SLC12A7: variants seen among roughly 807,000 people sequenced by gnomAD.
The protein encoded by SLC12A7 is solute carrier family 12 member 7.
Under a neutral mutation model 120.6 loss-of-function variants are expected in SLC12A7, and 100 were observed. The observed-to-expected ratio is 0.83, with a 90% confidence interval of 0.71 to 0.98. The LOEUF is 0.98. Ranked by LOEUF, SLC12A7 falls within the 50% of genes least tolerant of loss-of-function variation. The pLI is 0.00. For synonymous variants in SLC12A7, 760 were observed against 678.0 expected, an observed-to-expected ratio of 1.12 and a Z score of -1.88; for missense variants, 1,373 against 1,548.1, an observed-to-expected ratio of 0.89 and a Z score of 1.90.
chr5:1,136,864 C>G, the SLC12A7 span, among the ~76,000 whole-genome samples: 95 of 147,910 alleles, frequency 6.4e-4, 4 homozygotes, highest in Non-Finnish European at 1.1e-3. Context: ...GCAGGACACG[C>G]AGGCACACAT....
chr5:1,054,442 C>T (rs1347486803), intron 22 of SLC12A7, among the ~76,000 whole-genome samples: 1 of 152,218 alleles, frequency 6.6e-6, no homozygotes, highest in Non-Finnish European at 1.5e-5. Flanking sequence ...ACCCCACGGT[C>T]CCCTCCTAGG....
chr5:1,090,481 G>A (rs374459104), intron 3 of SLC12A7, among the ~76,000 whole-genome samples: 21 of 152,304 alleles, frequency 1.4e-4, no homozygotes, highest in African/African-American at 4.8e-4. Context: ...CCAAATCTGG[G>A]TATGCTTTGT....
At chr5:1,153,255 C>T in the SLC12A7 span, among the ~76,000 whole-genome samples, 1 of 152,186 alleles carries the variant, frequency 6.6e-6, no homozygotes, top group Non-Finnish European at 1.5e-5. Context: ...AAGCACCCAC[C>T]CCAAAGAGGA....
chr5:1,100,217 G>T (rs549987876), intron 1 of SLC12A7, among the ~76,000 whole-genome samples: 1 of 152,132 alleles, frequency 6.6e-6, no homozygotes, highest in African/African-American at 2.4e-5. Context: ...ACCCTCGGGC[G>T]GCACCGGGAC....
rs780420563 is a variant in SLC12A7, at chr5:1,081,680, C to T, written c.1194G>A (p.Val398=). 16 of 1,612,998 alleles carry T rather than the reference C, an allele frequency of 9.9e-6. No homozygotes were observed. Among genetic ancestry groups the T allele is most frequent in the Non-Finnish European group, 1.3e-5 (15 of 1,179,982 alleles). Reference sequence around the variant, plus strand: ...TGGCACGGCTCTCCTCTGCCACGGGCACCGAGGGCACACCTTTCTTCTCCA... The same window carrying T: ...TGGCACGGCTCTCCTCTGCCACGGGTACCGAGGGCACACCTTTCTTCTCCA... The part of the protein sequence containing the change: ...AFVEKKGVPS[V]PVAEESRASA... Residue 398 remains valine (V), a synonymous_variant, in exon 9 of 24, where the codon GTG becomes GTA. Coordinates refer to ENST00000264930, the MANE Select transcript of SLC12A7 (RefSeq NM_006598.3).
intron 17 of SLC12A7, among the ~76,000 whole-genome samples, chr5:1,069,231 C>T (rs1312889048): frequency 7.9e-5 from 12 of 152,264 alleles, no homozygotes; most frequent in African/African-American, 1.9e-4. Flanking sequence ...GCGGGAGCGG[C>T]GGGGGCCATT....
intron 1 of SLC12A7, among the ~76,000 whole-genome samples, chr5:1,096,023 G>A (rs940883082): frequency 2.0e-5 from 3 of 152,200 alleles, no homozygotes; most frequent in Admixed American, 6.5e-5. Flanking sequence ...TGACAGAGAC[G>A]GTCAAATGCA....
At position 1,053,412 on chromosome 5, in the gene SLC12A7, C is replaced by A. The variant is rs761917706; in HGVS notation, c.3097G>T (p.Asp1033Tyr). The change falls in exon 23 of 24, where the codon GAT becomes TAT. Residue 1033 changes from aspartate to tyrosine, a missense_variant. Physicochemically the swap from Asp to Tyr is radical, Grantham distance 160. Transcript: ENST00000264930. The part of the protein sequence containing the change: ...LNGVVLNKSQ[D>Y]AQLVLLNMPG... ...ATGTTGAGCAGGACCAGCTGCGCAT[C>A]CTGGGACTTGTTGAGGACGACGCCA... 5.0e-6 allele frequency: 8 copies of A among 1,614,012 alleles called. No individual in the cohort carries two copies. Among genetic ancestry groups the A allele is most frequent in the Non-Finnish European group, 5.9e-6 (7 of 1,180,022 alleles).
rs763842013 is a variant in SLC12A7 at position 1,079,471 on chromosome 5, G to T, written c.1323C>A (p.Ser441=). Residue 441 remains serine (S), a synonymous_variant, in exon 10 of 24, where the codon TCC becomes TCA. Coordinates refer to ENST00000264930, the MANE Select transcript of SLC12A7 (RefSeq NM_006598.3). ...ACTTCTGTGCATCCTTGAGGTCCCC[G>T]GACCGGTTTGAACCCGCCATGATAC... ...VTGIMAGSNR[S]GDLKDAQKSI... 6.2e-7 allele frequency: 1 copy of T among 1,612,674 alleles called. No homozygotes were observed. Among genetic ancestry groups the T allele is most frequent in the Non-Finnish European group, 8.5e-7 (1 of 1,179,846 alleles).
rs143985968 is a variant in SLC12A7, at chr5:1,097,298, C to T, written c.125-3050G>A. On this transcript the variant is annotated intron_variant, in intron 1 of 23. Coordinates refer to ENST00000264930, the MANE Select transcript of SLC12A7 (RefSeq NM_006598.3). ...GGACCAACATCCTTCCCGTCGCCTC[C>T]AACACTCCCAGCAGAAGCAACCCCT... Among the ~76,000 whole-genome samples the T allele has an allele frequency of 3.9e-5, 6 of 152,286 alleles. 1 individual carries two copies. Among genetic ancestry groups the T allele is most frequent in the African/African-American group, 1.4e-4 (6 of 41,550 alleles).
intron 1 of SLC12A7, among the ~76,000 whole-genome samples, chr5:1,101,630 TC>T (rs1742029698): frequency 6.6e-6 from 1 of 152,168 alleles, no homozygotes; most frequent in South Asian, 2.1e-4. Flanking sequence ...TTTTTCTACC[TC>T]TTCATTTTAT....
chr5:1,076,655 A>C (rs1461322937), intron 13 of SLC12A7, 39 bp downstream of exon 13: 6 of 1,511,122 alleles, frequency 4.0e-6, no homozygotes, highest in Non-Finnish European at 5.5e-6. Context: ...CTCCAGGCCC[A>C]TACACCCATC....
At chr5:1,077,023 G>A (rs576077903) in intron 12 of SLC12A7, among the ~76,000 whole-genome samples, 72 of 151,770 alleles carry the variant, frequency 4.7e-4, no homozygotes, top group Non-Finnish European at 7.5e-4. Flanking sequence ...CTGTGCCTAC[G>A]CCCGGCTTGC....
chr5:1,122,967 G>A, the SLC12A7 span, among the ~76,000 whole-genome samples: 5 of 152,234 alleles, frequency 3.3e-5, no homozygotes, highest in African/African-American at 9.6e-5. Flanking sequence ...TGGGGGCGTC[G>A]CCCTGGCTGC....
chr5:1,134,158 G>A, the SLC12A7 span, among the ~76,000 whole-genome samples: 5 of 152,340 alleles, frequency 3.3e-5, no homozygotes, highest in South Asian at 2.1e-4. Context: ...TTCTGGGACA[G>A]CTACGTGTTT....
intron 1 of SLC12A7, among the ~76,000 whole-genome samples, chr5:1,096,710 AGGGAGGAAGGAAAGGAGGGAGGG>A (rs1178121675): frequency 1.2e-4 from 7 of 56,904 alleles, no homozygotes; most frequent in African/African-American, 4.1e-4. Flanking sequence ...GGAAGGAAGG[AGGGAGGAAGGAAAGGAGGGAGGG>A]GGGAAGGGAG....
intron 17 of SLC12A7, 77 bp downstream of exon 17, chr5:1,073,556 T>A (rs1737949095): frequency 2.1e-6 from 3 of 1,462,888 alleles, no homozygotes; most frequent in South Asian, 2.5e-5. Flanking sequence ...CACGCTGCGA[T>A]GAGGACATGC....
intron 5 of SLC12A7, among the ~76,000 whole-genome samples, chr5:1,087,967 G>A (rs1334874069): frequency 6.6e-6 from 1 of 152,162 alleles, no homozygotes; most frequent in Non-Finnish European, 1.5e-5. Flanking sequence ...CTTCCCTCGT[G>A]AGATACAGGT....
At chr5:1,082,558 C>A (rs1177474692) in intron 8 of SLC12A7, among the ~76,000 whole-genome samples, 6 of 128,770 alleles carry the variant, frequency 4.7e-5, no homozygotes, top group Middle Eastern at 9.8e-3. Flanking sequence ...CTTCCTGTCT[C>A]GGGTTCTGGA....
Sources: allele counts gnomAD v4.1 joint callset (sites outside exome capture counted in the v4.1 genomes callset), GRCh38; gene constraint gnomAD v4.1.1; transcripts MANE v1.5; gene names NCBI Gene and HGNC (gene_info 2026-07-23, HGNC 2026-07-21).